The following MELK variants were observed in gnomAD, a reference collection of about 807,000 sequenced individuals.
The protein encoded by MELK is pEg3 kinase.
MELK carries 81 observed loss-of-function variants against 85.0 expected under a neutral mutation model. That is an observed-to-expected ratio of 0.95 (90% confidence interval 0.80 to 1.15). The LOEUF (loss-of-function observed/expected upper bound fraction) is 1.15, where lower values mean the gene tolerates loss of function less well. Ranked by LOEUF, MELK falls within the 50% of genes most tolerant of loss-of-function variation. MELK has a pLI of 0.00. For synonymous variants in MELK, 252 were observed against 265.0 expected, an observed-to-expected ratio of 0.95 and a Z score of 0.48; for missense variants, 754 against 777.5, an observed-to-expected ratio of 0.97 and a Z score of 0.36.
At chr9:36,599,328 T>G (rs942688410) in intron 6 of MELK, 66 bp from the exon 7 acceptor site, 7 of 832,272 alleles carry the variant, frequency 8.4e-6, no homozygotes, top group East Asian at 3.0e-5. Flanking sequence ...AAAAAAAGAA[T>G]GTTTATCAAG....
chr9:36,664,249 ATACT>A lies in MELK; in HGVS notation c.1177-1098_1177-1095del, dbSNP rs753702858. Among the ~76,000 whole-genome samples, 14 of 152,276 alleles carry A rather than the reference ATACT, an allele frequency of 9.2e-5. No individual in the cohort carries two copies. In the East Asian group the frequency reaches 1.9e-3, roughly 21 times the overall value. ...GTTTCACTATTTTAAACATGCAAAC[ATACT>A]TATTTATGTTCTGTATTTGATAATT... On this transcript the variant is annotated intron_variant, in intron 13 of 17. Coordinates refer to ENST00000298048, the MANE Select transcript of MELK (RefSeq NM_014791.4).
intron 8 of MELK, among the ~76,000 whole-genome samples, chr9:36,615,938 C>T (rs971756242): frequency 1.3e-5 from 2 of 151,846 alleles, no homozygotes; most frequent in African/African-American, 4.8e-5. Flanking sequence ...ACACTCCTCA[C>T]TTCCCAGACG....
chr9:36,651,452 A>G (rs141716871), intron 11 of MELK, among the ~76,000 whole-genome samples: 1 of 152,302 alleles, frequency 6.6e-6, no homozygotes, highest in Non-Finnish European at 1.5e-5. Flanking sequence ...AAATTTATAC[A>G]TATTATCTGA....
At chr9:36,612,251 G>A (rs926948402) in intron 8 of MELK, among the ~76,000 whole-genome samples, 5 of 150,478 alleles carry the variant, frequency 3.3e-5, no homozygotes, top group East Asian at 3.9e-4. Flanking sequence ...ATGCGCCACC[G>A]TGCCTGGCTA....
chr9:36,573,422 C>T (rs766807695), intron 1 of MELK, among the ~76,000 whole-genome samples: 2 of 152,164 alleles, frequency 1.3e-5, no homozygotes, highest in Non-Finnish European at 2.9e-5. Context: ...GATGTGTTAT[C>T]ACTACCTTTT....
chr9:36,632,988 T>C (rs138651367), intron 9 of MELK, 114 bp from the exon 10 acceptor site: 1 of 741,710 alleles, frequency 1.3e-6, no homozygotes, highest in Non-Finnish European at 2.2e-6. Flanking sequence ...GACAGCATTT[T>C]TGTGATGATA....
In MELK at chr9:36,583,660, T is replaced by A; in HGVS notation, c.92T>A (p.Ile31Asn). 1.2e-6 allele frequency: 2 copies of A among 1,612,900 alleles called. No homozygotes were observed. Among genetic ancestry groups the A allele is most frequent in the Non-Finnish European group, 1.7e-6 (2 of 1,179,268 alleles). ...GFAKVKLACH[I>N]LTGEMVAIKI... ...GCAAAGGTCAAACTTGCCTGCCATA[T>A]CCTTACTGGAGAGATGGTAGCTATA... The change falls in exon 3 of 18, where the codon ATC becomes AAC. Residue 31 changes from isoleucine (I) to asparagine (N), a missense_variant. Physicochemically the swap from Ile to Asn is moderately radical, Grantham distance 149. Coordinates refer to ENST00000298048, the MANE Select transcript of MELK (RefSeq NM_014791.4).
At position 36,592,751 on chromosome 9, in the gene MELK, GTTTTC is replaced by G. The variant is rs377202175; in HGVS notation, c.262-1872_262-1868del. 3.9e-4 allele frequency among the ~76,000 whole-genome samples: 60 copies of G among 152,130 alleles called. No homozygotes were observed. The East Asian group carries it at 0.011, about 29-fold the overall frequency. On this transcript the variant is annotated intron_variant, in intron 4 of 17. Transcript: ENST00000298048. ...TTTATTTGAAAATATGAAGTAGGCT[GTTTTC>G]TTTTTGTAAAACTTACTGTATAACA... is the stretch of plus-strand genomic sequence containing the variant.
At chr9:36,589,680 A>C in intron 4 of MELK, 28 bp downstream of exon 4, 1 of 1,475,164 alleles carries the variant, frequency 6.8e-7, no homozygotes, top group Non-Finnish European at 9.5e-7. Context: ...GATACCTGAA[A>C]ACATTTGATC....
At chr9:36,585,298 C>CTTTTT (rs1822764852) in intron 3 of MELK, among the ~76,000 whole-genome samples, 7 of 106,924 alleles carry the variant, frequency 6.5e-5, no homozygotes, top group African/African-American at 2.1e-4. Flanking sequence ...TTCTACCATT[C>CTTTTT]TTTGTTTTTT....
At chr9:36,634,800 C>A (rs1275333664) in intron 10 of MELK, among the ~76,000 whole-genome samples, 3 of 151,974 alleles carry the variant, frequency 2.0e-5, no homozygotes, top group African/African-American at 7.3e-5. Flanking sequence ...AGTTCGAGAC[C>A]AGCCTGACCA....
intron 8 of MELK, 22 bp from the exon 9 acceptor site, chr9:36,630,277 C>T: frequency 1.3e-6 from 2 of 1,590,292 alleles, no homozygotes; most frequent in Non-Finnish European, 1.7e-6. Flanking sequence ...ACCTGAATCT[C>T]TTAAATGCTT....
intron 1 of MELK, among the ~76,000 whole-genome samples, chr9:36,574,043 C>T (rs1244302179): frequency 6.6e-6 from 1 of 152,100 alleles, no homozygotes; most frequent in African/African-American, 2.4e-5. Context: ...GCCAGTGTTC[C>T]TAACTTTGGT....
At chr9:36,599,551 G>A in intron 7 of MELK, 65 bp downstream of exon 7, 1 of 1,180,196 alleles carries the variant, frequency 8.5e-7, no homozygotes, top group Non-Finnish European at 1.3e-6. Flanking sequence ...CCTGTAGTGA[G>A]TCAGGCACTG....
At chr9:36,589,154 A>AT (rs1000949599) in intron 3 of MELK, among the ~76,000 whole-genome samples, 110 of 145,676 alleles carry the variant, frequency 7.6e-4, no homozygotes, top group Middle Eastern at 3.5e-3. Context: ...GCTACTTAGT[A>AT]TTTTTTTTTT....
At chr9:36,659,728 T>C (rs4512469) in intron 13 of MELK, among the ~76,000 whole-genome samples, 136,344 of 152,248 alleles carry the variant, frequency 0.9, 61,110 homozygotes, top group East Asian at 0.92. Flanking sequence ...TTAGATTTCA[T>C]TTCCTATTTG....
chr9:36,664,578 A>G (rs1832152237), intron 13 of MELK, among the ~76,000 whole-genome samples: 1 of 152,216 alleles, frequency 6.6e-6, no homozygotes, highest in Non-Finnish European at 1.5e-5. Flanking sequence ...CTTACAAATT[A>G]TTAAAAGAAA....
At chr9:36,640,421 C>A (rs1027797704) in intron 10 of MELK, among the ~76,000 whole-genome samples, 1 of 151,954 alleles carries the variant, frequency 6.6e-6, no homozygotes, top group Non-Finnish European at 1.5e-5. Context: ...GCCTCTGGAG[C>A]CTCTTTTCTT....
chr9:36,636,354 C>A (rs1276291154), intron 10 of MELK, among the ~76,000 whole-genome samples: 1 of 151,732 alleles, frequency 6.6e-6, no homozygotes, highest in Non-Finnish European at 1.5e-5. Context: ...AATACAAAAT[C>A]AGCTGGGCGT....
Sources: gnomAD v4.1 joint callset for allele counts (sites outside exome capture counted in the v4.1 genomes callset) on GRCh38, gnomAD v4.1.1 for gene constraint, MANE v1.5 for transcripts, NCBI Gene and HGNC (gene_info 2026-07-23, HGNC 2026-07-21) for gene names.